The following CLHC1 variants were observed in gnomAD, a reference collection of about 807,000 sequenced individuals.
The protein encoded by CLHC1 is clathrin heavy chain linker domain-containing protein 1.
CLHC1 carries 72 observed loss-of-function variants against 69.5 expected under a neutral mutation model. That is an observed-to-expected ratio of 1.04 (90% CI 0.86 to 1.26). The LOEUF (loss-of-function observed/expected upper bound fraction) is 1.26. Among genes scored for constraint, CLHC1 ranks in the 50% most tolerant of loss-of-function variants. The pLI is 0.00. For missense variants in CLHC1, 790 were observed against 679.3 expected (o/e 1.16, Z -1.81); for synonymous variants, 223 against 224.3 (o/e 0.99, Z 0.05).
At chr2:55,213,293 C>T (rs1178015567) in intron 4 of CLHC1, among the ~76,000 whole-genome samples, 1 of 152,166 alleles carries the variant, frequency 6.6e-6, no homozygotes, top group Non-Finnish European at 1.5e-5. Context: ...CTTTTCCAGC[C>T]TTGGGGCTGC....
chr2:55,191,975 G>A (rs927281597), intron 9 of CLHC1, among the ~76,000 whole-genome samples: 2 of 152,032 alleles, frequency 1.3e-5, no homozygotes, highest in Non-Finnish European at 2.9e-5. Flanking sequence ...AATAACCACT[G>A]CACTCCAGCC....
chr2:55,181,099 G>C, intron 10 of CLHC1, among the ~76,000 whole-genome samples: 1 of 152,058 alleles, frequency 6.6e-6, no homozygotes, highest in East Asian at 1.9e-4. Flanking sequence ...TCCTGCCTCA[G>C]CTTCCTGAGT....
intron 4 of CLHC1, among the ~76,000 whole-genome samples, chr2:55,217,553 ATATATATATATATATATATATAT>A (rs1332951318): frequency 2.3e-4 from 5 of 22,122 alleles, no homozygotes; most frequent in African/African-American, 1.2e-3. Flanking sequence ...AAAAAAAAAA[ATATATATATATATATATATATAT>A]ATATATATAC....
chr2:55,189,360 T>C (rs1288043339), intron 9 of CLHC1, among the ~76,000 whole-genome samples: 2 of 152,224 alleles, frequency 1.3e-5, no homozygotes, highest in Non-Finnish European at 2.9e-5. Context: ...ATTATGTTAA[T>C]TATGTTTAGT....
At position 55,206,384 on chromosome 2, in the gene CLHC1, C is replaced by T; in HGVS notation, c.900-8G>A. ...GAGATTAACTCATTAAACCTATAGC[C>T]ATCACATTTTAAAATGCATTATAAT... On this transcript the variant is annotated splice_polypyrimidine_tract_variant and splice_region_variant and intron_variant, in intron 8 of 12. Coordinates refer to ENST00000401408, the MANE Select transcript of CLHC1 (RefSeq NM_152385.4). 2.0e-6 allele frequency: 3 copies of T among 1,501,100 alleles called. No homozygotes were observed. Among genetic ancestry groups the T allele is most frequent in the Non-Finnish European group, 2.8e-6 (3 of 1,079,444 alleles). 93.0% of individuals were successfully genotyped at this position (1,501,100 alleles called of 1,614,324 possible).
chr2:55,181,481 A>G (rs767499982), intron 10 of CLHC1, 89 bp downstream of exon 10: 314 of 1,031,774 alleles, frequency 3.0e-4, no homozygotes, highest in Middle Eastern at 7.9e-4. Flanking sequence ...ATGTTCAAGT[A>G]ACATATTGAT....
At chr2:55,177,004 G>C (rs1362261595) in intron 12 of CLHC1, among the ~76,000 whole-genome samples, 1 of 152,056 alleles carries the variant, frequency 6.6e-6, no homozygotes, top group African/African-American at 2.4e-5. Flanking sequence ...CTCTCAAGTA[G>C]CTGGGACTAC....
In CLHC1 at chr2:55,216,494, T is replaced by C. The variant is rs146422749; in HGVS notation, c.365+1317A>G. Among the ~76,000 whole-genome samples, 5 of 152,138 alleles carry C rather than the reference T, an allele frequency of 3.3e-5. No individual in the cohort carries two copies. In the East Asian group the frequency reaches 9.7e-4, roughly 29 times the overall value. On this transcript the variant is annotated intron_variant, in intron 4 of 12. Coordinates refer to ENST00000401408, the MANE Select transcript of CLHC1 (RefSeq NM_152385.4). ...ACTATTAAATCTTCCATGGAGGAAA[T>C]TACCTGGAGCAATTACCTGCATCCC...
At chr2:55,215,533 A>G (rs1332719781) in intron 4 of CLHC1, among the ~76,000 whole-genome samples, 2 of 152,196 alleles carry the variant, frequency 1.3e-5, no homozygotes, top group East Asian at 3.9e-4. Flanking sequence ...GGCCCCAGAT[A>G]AACTGCATAC....
At chr2:55,180,795 G>C in intron 10 of CLHC1, 83 bp from the exon 11 acceptor site, 1 of 1,091,556 alleles carries the variant, frequency 9.2e-7, no homozygotes, top group Non-Finnish European at 1.4e-6. Flanking sequence ...ATTCAGCACA[G>C]TAGGACTGGA....
At chr2:55,195,353 C>T (rs183099611) in intron 9 of CLHC1, among the ~76,000 whole-genome samples, 1 of 152,188 alleles carries the variant, frequency 6.6e-6, no homozygotes, top group Non-Finnish European at 1.5e-5. Flanking sequence ...GTTGTTGTAT[C>T]TGATGAAAGA....
At chr2:55,222,118 C>T in intron 3 of CLHC1, 117 bp downstream of exon 3, 1 of 721,888 alleles carries the variant, frequency 1.4e-6, no homozygotes, top group Non-Finnish European at 2.3e-6. Context: ...TTCTCAAAAT[C>T]AGCAAATGGA....
chr2:55,184,159 G>A (rs1371851153), intron 9 of CLHC1, among the ~76,000 whole-genome samples: 1 of 143,402 alleles, frequency 7.0e-6, no homozygotes, highest in Non-Finnish European at 1.5e-5. Flanking sequence ...AGGCTGGAGT[G>A]CAGTGGCACG....
Position 55,181,658 on chromosome 2 carries a change from C to T in CLHC1, c.1093G>A (p.Val365Ile). Residue 365 changes from valine (V) to isoleucine (I), a missense_variant, in exon 10 of 13, where the codon GTT (valine) becomes ATT (isoleucine). By Grantham distance (29) the Val-to-Ile change is conservative. Transcript: ENST00000401408. ...CCTTCCAGGGTTAGAGCTGCATCAA[C>T]AGGACATGGAAAAGCATGACTTGTG... is the stretch of plus-strand genomic sequence containing the variant. ...FITSHAFPCP[V>I]DAALTLEGIK... is the part of the protein sequence containing the mutation. 6.2e-7 allele frequency: 1 copy of T among 1,613,752 alleles called. No homozygotes were observed.
At chr2:55,200,083 G>C (rs994969304) in intron 9 of CLHC1, among the ~76,000 whole-genome samples, 11 of 152,000 alleles carry the variant, frequency 7.2e-5, no homozygotes, top group Non-Finnish European at 1.5e-4. Context: ...AATTAGCCAA[G>C]TGTGGTGGTG....
chr2:55,216,821 A>G (rs1234830660), intron 4 of CLHC1, among the ~76,000 whole-genome samples: 1 of 152,042 alleles, frequency 6.6e-6, no homozygotes. Flanking sequence ...CCCTGTGCGG[A>G]CCCTCATTTT....
At chr2:55,228,391 C>G (rs147199302) in intron 1 of CLHC1, among the ~76,000 whole-genome samples, 187 bp from the exon 2 acceptor site, 2 of 152,348 alleles carry the variant, frequency 1.3e-5, no homozygotes, top group East Asian at 3.9e-4. Flanking sequence ...GTGGTGCTCT[C>G]AAACCAGAAC....
At chr2:55,193,269 T>C (rs928686793) in intron 9 of CLHC1, among the ~76,000 whole-genome samples, 2 of 152,014 alleles carry the variant, frequency 1.3e-5, no homozygotes, top group African/African-American at 4.8e-5. Flanking sequence ...AGAAAATTCA[T>C]AAGTGGAACT....
intron 9 of CLHC1, among the ~76,000 whole-genome samples, chr2:55,187,545 G>A (rs1670534104): frequency 6.6e-6 from 1 of 151,888 alleles, no homozygotes; most frequent in Non-Finnish European, 1.5e-5. Flanking sequence ...CTGGGAGGAG[G>A]AGGAGGTTGC....
Sources: gnomAD v4.1 joint callset for allele counts (sites outside exome capture counted in the v4.1 genomes callset) on GRCh38, gnomAD v4.1.1 for gene constraint, MANE v1.5 for transcripts, NCBI Gene and HGNC (gene_info 2026-07-23, HGNC 2026-07-21) for gene names.